DISC1: variants seen among roughly 807,000 people sequenced by gnomAD.
The protein encoded by DISC1 is DISC1 scaffold protein, also known as disrupted in schizophrenia 1 protein.
Under a neutral mutation model 84.5 loss-of-function variants are expected in DISC1, and 57 were observed. That is an observed-to-expected ratio of 0.67 (90% CI 0.55 to 0.84). The LOEUF (loss-of-function observed/expected upper bound fraction) is 0.84, where lower values mean the gene tolerates loss of function less well. Among genes scored for constraint, DISC1 ranks in the 40% least tolerant of loss-of-function variants. DISC1 has a pLI of 0.00. For synonymous variants in DISC1, 411 were observed against 415.2 expected, an observed-to-expected ratio of 0.99 and a Z score of 0.12; for missense variants, 1,000 against 1,057.8, an observed-to-expected ratio of 0.95 and a Z score of 0.76.
intron 10 of DISC1, among the ~76,000 whole-genome samples, chr1:231,981,228 G>C (rs1458702732): frequency 6.6e-6 from 1 of 152,218 alleles, no homozygotes; most frequent in Non-Finnish European, 1.5e-5. Flanking sequence ...ACAGGTATGA[G>C]CCACTGTGCC....
chr1:231,790,080 T>G (rs1043701371), intron 6 of DISC1, among the ~76,000 whole-genome samples: 1 of 152,116 alleles, frequency 6.6e-6, no homozygotes, highest in Non-Finnish European at 1.5e-5. Flanking sequence ...CTACACACGT[T>G]TATTGTAGCA....
intron 3 of DISC1, among the ~76,000 whole-genome samples, chr1:231,741,382 A>G (rs2073248032): frequency 6.6e-6 from 1 of 152,232 alleles, no homozygotes; most frequent in African/African-American, 2.4e-5. Flanking sequence ...TTGCTAATGA[A>G]AAGGATTTAA....
At chr1:231,701,545 G>A (rs2066422076) in intron 2 of DISC1, among the ~76,000 whole-genome samples, 1 of 152,138 alleles carries the variant, frequency 6.6e-6, no homozygotes, top group African/African-American at 2.4e-5. Context: ...CTGAGCTTAA[G>A]TTCATGCTCT....
At chr1:231,683,655 G>T (rs1238071860) in intron 1 of DISC1, among the ~76,000 whole-genome samples, 1 of 151,458 alleles carries the variant, frequency 6.6e-6, no homozygotes, top group African/African-American at 2.4e-5. Context: ...ATGGTTTCTG[G>T]TCACTTTTTT....
chr1:231,646,670 C>T (rs1172646017), intron 1 of DISC1, among the ~76,000 whole-genome samples: 1 of 152,178 alleles, frequency 6.6e-6, no homozygotes, highest in African/African-American at 2.4e-5. Context: ...GTTTACACTC[C>T]CACCAACAGT....
chr1:231,832,869 T>C (rs1236844483), intron 9 of DISC1, among the ~76,000 whole-genome samples: 5 of 143,302 alleles, frequency 3.5e-5, no homozygotes, highest in Non-Finnish European at 7.6e-5. Flanking sequence ...ATAAGGAGAG[T>C]TTATAGGCTT....
intron 6 of DISC1, among the ~76,000 whole-genome samples, chr1:231,793,852 T>C (rs2078537829): frequency 1.3e-5 from 2 of 152,218 alleles, no homozygotes. Flanking sequence ...TATTTAAAAA[T>C]ACAACACTCA....
intron 9 of DISC1, among the ~76,000 whole-genome samples, chr1:231,898,514 C>T (rs1046721958): frequency 1.3e-5 from 2 of 152,172 alleles, no homozygotes; most frequent in African/African-American, 4.8e-5. Context: ...AAAACCTGGA[C>T]ATTTACTTCT....
intron 8 of DISC1, among the ~76,000 whole-genome samples, chr1:231,814,548 C>T (rs1298102574): frequency 6.6e-6 from 1 of 152,100 alleles, no homozygotes; most frequent in Non-Finnish European, 1.5e-5. Context: ...TCTGAGTCTT[C>T]CGAAACACAT....
chr1:231,772,572 A>C (rs2076636297), intron 6 of DISC1, among the ~76,000 whole-genome samples: 1 of 152,100 alleles, frequency 6.6e-6, no homozygotes, highest in South Asian at 2.1e-4. Flanking sequence ...AATAATTTCT[A>C]CCTTATAGAG....
At chr1:231,789,482 A>G (rs2078148799) in intron 6 of DISC1, among the ~76,000 whole-genome samples, 1 of 152,244 alleles carries the variant, frequency 6.6e-6, no homozygotes, top group East Asian at 1.9e-4. Context: ...CTACATCTCA[A>G]GAACAGACTG....
At chr1:231,836,405 G>A (rs1440717336) in intron 9 of DISC1, among the ~76,000 whole-genome samples, 2 of 152,280 alleles carry the variant, frequency 1.3e-5, no homozygotes, top group East Asian at 3.9e-4. Flanking sequence ...CAGATAGGAT[G>A]ACCTTTGAAA....
intron 10 of DISC1, among the ~76,000 whole-genome samples, chr1:231,973,203 C>T (rs1014338550): frequency 2.6e-5 from 4 of 152,066 alleles, no homozygotes; most frequent in Admixed American, 1.3e-4. Context: ...TGCGCCACCA[C>T]GCCTGGCTAA....
chr1:231,649,780 C>G (rs2060461203), intron 1 of DISC1, among the ~76,000 whole-genome samples: 1 of 152,204 alleles, frequency 6.6e-6, no homozygotes, highest in Admixed American at 6.5e-5. Flanking sequence ...GTTAGCTCTT[C>G]TTGTTGAATT....
Position 231,928,109 on chromosome 1 carries a change from T to C in DISC1, c.1982-30719T>C, listed in dbSNP as rs532210598. 1.8e-3 allele frequency among the ~76,000 whole-genome samples: 276 copies of C among 152,318 alleles called. 1 individual carries two copies. The highest frequency in any genetic ancestry group is 4.4e-3 in the Admixed American group (68 of 15,304). ...CTCCCTAACATCCCATTCTGGTGTT[T>C]ATTCCATTAATTTAGAGCAAACACC... On this transcript the variant is annotated intron_variant, in intron 9 of 12. Transcript: ENST00000439617.
At chr1:231,641,422 T>C (rs823159) in intron 1 of DISC1, among the ~76,000 whole-genome samples, 70,188 of 151,858 alleles carry the variant, frequency 0.46, 16,806 homozygotes, top group East Asian at 0.82. Flanking sequence ...CGTTCCTCCT[T>C]GTAGGTTCGT....
chr1:231,735,683 G>A (rs1323347120), intron 3 of DISC1, among the ~76,000 whole-genome samples: 2 of 152,196 alleles, frequency 1.3e-5, no homozygotes, highest in East Asian at 1.9e-4. Context: ...CCACTCTCTC[G>A]TGGGATCATT....
At chr1:231,787,376 A>AAG (rs141021977) in intron 6 of DISC1, among the ~76,000 whole-genome samples, 1 of 151,060 alleles carries the variant, frequency 6.6e-6, no homozygotes, top group Admixed American at 6.6e-5. Flanking sequence ...GCAGAAGGGC[A>AAG]AGAGAGAGAG....
chr1:231,722,170 A>G (rs1345909495), intron 3 of DISC1, among the ~76,000 whole-genome samples: 2 of 151,548 alleles, frequency 1.3e-5, no homozygotes, highest in South Asian at 4.2e-4. Context: ...AAAAAAAAAA[A>G]GCACTGCCTT....
Sources: gnomAD v4.1 joint callset for allele counts (sites outside exome capture counted in the v4.1 genomes callset) on GRCh38, gnomAD v4.1.1 for gene constraint, MANE v1.5 for transcripts, NCBI Gene and HGNC (gene_info 2026-07-23, HGNC 2026-07-21) for gene names.